PRKCQ: variants seen among roughly 807,000 people sequenced by gnomAD.
PRKCQ encodes the protein protein kinase C theta type.
In PRKCQ, 41 loss-of-function variants were observed where a neutral mutation model predicts 91.2. That is an observed-to-expected ratio of 0.45 (90% confidence interval 0.35 to 0.58). The LOEUF (loss-of-function observed/expected upper bound fraction) is 0.58, where lower values mean the gene tolerates loss of function less well. Among genes scored for constraint, PRKCQ ranks in the 20% least tolerant of loss-of-function variants. PRKCQ has a pLI of 0.00. For missense variants in PRKCQ, 673 were observed against 896.5 expected (o/e 0.75, Z 3.18); for synonymous variants, 307 against 316.9 (o/e 0.97, Z 0.33).
At chr10:6,580,429 A>G (rs1415898127), upstream of PRKCQ, 1 of 152,002 alleles carries the variant, frequency 6.6e-6, no homozygotes, top group Non-Finnish European at 1.5e-5. Context: ...ACCTCTAGCC[A>G]GGGACGCGCG....
chr10:6,461,145 CCATCCATTCAACCATCTGTT>C (rs1835323925), intron 14 of PRKCQ, among the ~76,000 whole-genome samples: 1 of 151,778 alleles, frequency 6.6e-6, no homozygotes, highest in Non-Finnish European at 1.5e-5. Flanking sequence ...ATCCATTCAT[CCATCCATTCAACCATCTGTT>C]CATCCATTCA....
At chr10:6,494,277 G>A (rs1336258013) in intron 7 of PRKCQ, among the ~76,000 whole-genome samples, 2 of 152,052 alleles carry the variant, frequency 1.3e-5, no homozygotes, top group Admixed American at 1.3e-4. Context: ...GGCCCTCTTC[G>A]CTTCCTGCCA....
At chr10:6,509,147 A>G (rs1273451484) in intron 3 of PRKCQ, among the ~76,000 whole-genome samples, 1 of 152,232 alleles carries the variant, frequency 6.6e-6, no homozygotes, top group Non-Finnish European at 1.5e-5. Context: ...TTAAATGAGC[A>G]TCTGAATGCC....
chr10:6,428,472 T>C (rs941773621), intron 17 of PRKCQ, 110 bp from the exon 18 acceptor site: 4 of 1,229,910 alleles, frequency 3.3e-6, no homozygotes, highest in Non-Finnish European at 4.6e-6. Flanking sequence ...AAGTTGGTGT[T>C]TGCAGAGACA....
chr10:6,511,061 T>C lies in PRKCQ; in HGVS notation c.252A>G (p.Glu84=). Residue 84 remains glutamate, a synonymous_variant, in exon 3 of 18, where the codon GAA becomes GAG. Transcript: ENST00000263125. ...VKGKNVDLIS[E]TTVELYSLAE... is the part of the protein sequence containing the mutation. ...CCAGCGAGTAGAGCTCCACGGTGGT[T>C]TCAGAGATGAGGTCCACGTTTTTGC... 6.2e-7 allele frequency: 1 copy of C among 1,614,102 alleles called. No homozygotes were observed. The highest frequency in any genetic ancestry group is 1.1e-5 in the South Asian group (1 of 91,072).
At chr10:6,483,413 A>G (rs763165487) in intron 11 of PRKCQ, 27 bp downstream of exon 11, 36 of 1,613,854 alleles carry the variant, frequency 2.2e-5, no homozygotes, top group Non-Finnish European at 3.1e-5. Flanking sequence ...GAGTTGGGCC[A>G]TAGCATTCTC....
intron 4 of PRKCQ, among the ~76,000 whole-genome samples, chr10:6,506,851 CCT>C (rs1838223839): frequency 6.6e-6 from 1 of 152,102 alleles, no homozygotes; most frequent in African/African-American, 2.4e-5. Flanking sequence ...CATACACAGC[CCT>C]GACAGCCTGT....
Position 6,511,195 on chromosome 10 carries a change from C to G in PRKCQ, c.119-1G>C. The stretch of plus-strand genomic sequence containing the variant: ...TTCTGGATATACATCTGCCCGTTCT[C>G]TAGGAACAGAAACGTAAGGTCTCAT... On this transcript the variant is annotated splice_acceptor_variant, in intron 2 of 17. Transcript: ENST00000263125. LOFTEE classifies it high-confidence loss of function. The G allele has an allele frequency of 3.1e-6, 5 of 1,613,860 alleles. No individual in the cohort carries two copies. Among genetic ancestry groups the G allele is most frequent in the Non-Finnish European group, 4.2e-6 (5 of 1,179,868 alleles).
chr10:6,479,296 G>T, intron 11 of PRKCQ, 131 bp from the exon 12 acceptor site: 5 of 971,274 alleles, frequency 5.1e-6, no homozygotes, highest in Non-Finnish European at 7.6e-6. Flanking sequence ...CATCCATCCT[G>T]CATAGGCCAT....
At chr10:6,489,870 C>A (rs1837182766) in intron 8 of PRKCQ, among the ~76,000 whole-genome samples, 1 of 152,044 alleles carries the variant, frequency 6.6e-6, no homozygotes, top group Admixed American at 6.5e-5. Context: ...CGCCCAGGAA[C>A]CCCTGGGAAG....
At chr10:6,467,353 GAGAC>G (rs1564324150) in intron 12 of PRKCQ, among the ~76,000 whole-genome samples, 11 of 123,494 alleles carry the variant, frequency 8.9e-5, no homozygotes, top group Admixed American at 2.5e-4. Context: ...GAGAGAGAGA[GAGAC>G]AGAGAGAGAG....
chr10:6,482,448 G>A (rs993526905), intron 11 of PRKCQ, among the ~76,000 whole-genome samples: 1 of 152,100 alleles, frequency 6.6e-6, no homozygotes, highest in African/African-American at 2.4e-5. Context: ...AGAACACTTG[G>A]ATGCAGACAT....
At chr10:6,528,266 C>T (rs1489142774) in intron 1 of PRKCQ, among the ~76,000 whole-genome samples, 1 of 152,084 alleles carries the variant, frequency 6.6e-6, no homozygotes, top group African/African-American at 2.4e-5. Flanking sequence ...CTCAGTCACT[C>T]ATTTTTTGGT....
chr10:6,420,028 G>C, the PRKCQ span, among the ~76,000 whole-genome samples: 1 of 149,628 alleles, frequency 6.7e-6, no homozygotes, highest in Non-Finnish European at 1.5e-5. Context: ...CACTCTTGTC[G>C]CCCAGGCTGG....
intron 1 of PRKCQ, among the ~76,000 whole-genome samples, chr10:6,554,852 C>T (rs77519638): frequency 2.9e-4 from 44 of 152,194 alleles, no homozygotes; most frequent in African/African-American, 7.7e-4. Context: ...TATCTATGTT[C>T]GTGGCAACAC....
the PRKCQ span, among the ~76,000 whole-genome samples, chr10:6,403,359 A>C: frequency 6.6e-6 from 1 of 152,206 alleles, no homozygotes; most frequent in Non-Finnish European, 1.5e-5. Flanking sequence ...TTTGGAAAAG[A>C]GAAAAGTGCT....
At chr10:6,548,938 G>C (rs530042001) in intron 1 of PRKCQ, among the ~76,000 whole-genome samples, 1 of 152,208 alleles carries the variant, frequency 6.6e-6, no homozygotes, top group African/African-American at 2.4e-5. Flanking sequence ...ATCCAGCTCA[G>C]CTACAGTGAA....
the PRKCQ span, among the ~76,000 whole-genome samples, chr10:6,404,698 CTTTT>C: frequency 7.5e-6 from 1 of 133,706 alleles, no homozygotes; most frequent in Non-Finnish European, 1.6e-5. Flanking sequence ...CCTTTCTTTC[CTTTT>C]TTCTTTCTTT....
intron 12 of PRKCQ, among the ~76,000 whole-genome samples, chr10:6,471,834 T>C (rs750495047): frequency 4.6e-5 from 7 of 152,162 alleles, no homozygotes; most frequent in Non-Finnish European, 8.8e-5. Context: ...GCATGCACTT[T>C]CCTGAGGCAC....
Sources: allele counts gnomAD v4.1 joint callset (sites outside exome capture counted in the v4.1 genomes callset), GRCh38; gene constraint gnomAD v4.1.1; transcripts MANE v1.5; gene names NCBI Gene and HGNC (gene_info 2026-07-23, HGNC 2026-07-21).